PLOD1: variants seen among roughly 807,000 people sequenced by gnomAD.
PLOD1 encodes lysine hydroxylase.
PLOD1 carries 70 observed loss-of-function variants against 94.7 expected under a neutral mutation model. The ratio of observed to expected loss-of-function variants is 0.74; its 90% CI spans 0.61 to 0.90. PLOD1 has a LOEUF of 0.90. Among genes scored for constraint, PLOD1 ranks in the 40% least tolerant of loss-of-function variants. The pLI, the probability that PLOD1 is intolerant of heterozygous loss-of-function variation, is 0.00. For synonymous variants in PLOD1, 417 were observed against 400.2 expected (o/e 1.04, Z -0.50); for missense variants, 905 against 972.7 (o/e 0.93, Z 0.93).
intron 1 of PLOD1, among the ~76,000 whole-genome samples, chr1:11,946,693 A>C (rs1297658528): frequency 6.6e-6 from 1 of 152,224 alleles, no homozygotes; most frequent in Admixed American, 6.5e-5. Flanking sequence ...CCAGAAACTC[A>C]GTCCTATAAT....
At chr1:11,945,843 G>C (rs951413476) in intron 1 of PLOD1, among the ~76,000 whole-genome samples, 3 of 152,130 alleles carry the variant, frequency 2.0e-5, no homozygotes, top group African/African-American at 7.2e-5. Context: ...CAAGTAGCTA[G>C]GACTACAGGC....
At chr1:11,968,806 G>A (rs1235863938) in intron 16 of PLOD1, among the ~76,000 whole-genome samples, 4 of 146,692 alleles carry the variant, frequency 2.7e-5, no homozygotes, top group Non-Finnish European at 6.0e-5. Context: ...ATGAGCCACC[G>A]CACCGGGCAC....
chr1:11,951,737 A>G (rs947684736), intron 4 of PLOD1, among the ~76,000 whole-genome samples: 2 of 149,846 alleles, frequency 1.3e-5, no homozygotes, highest in African/African-American at 4.9e-5. Flanking sequence ...GGCTAACACG[A>G]TGAAACCCCG....
At chr1:11,968,384 A>G (rs1314948313) in intron 16 of PLOD1, among the ~76,000 whole-genome samples, 2 of 152,220 alleles carry the variant, frequency 1.3e-5, no homozygotes, top group Non-Finnish European at 2.9e-5. Flanking sequence ...AACATTACCT[A>G]CTAAGCAAAC....
chr1:11,947,336 G>T (rs1257491907), intron 1 of PLOD1, among the ~76,000 whole-genome samples: 2 of 151,810 alleles, frequency 1.3e-5, no homozygotes, highest in African/African-American at 2.4e-5. Context: ...CACTTTCGGA[G>T]GCTGAAGCAG....
chr1:11,958,616 A>G lies in PLOD1; in HGVS notation c.944A>G (p.Gln315Arg), dbSNP rs1569708580. 3.7e-6 allele frequency: 6 copies of G among 1,614,008 alleles called. No homozygotes were observed. The highest frequency in any genetic ancestry group is 5.1e-6 in the Non-Finnish European group (6 of 1,180,040). The stretch of plus-strand genomic sequence containing the variant: ...CGGCTCCTGCGGCTCCACTACCCCC[A>G]GAAACACATGCGACTTTTCATCCAC... ...FQRLLRLHYP[Q>R]KHMRLFIHNH... is the part of the protein sequence containing the mutation. Residue 315 changes from glutamine to arginine, a missense_variant, in exon 9 of 19, where the codon CAG becomes CGG. Coordinates refer to ENST00000196061, the MANE Select transcript of PLOD1 (RefSeq NM_000302.4). The surrounding 1 kb of genome is among the most constrained non-coding windows in gnomAD (Gnocchi z 4.3).
chr1:11,963,720 C>A lies in PLOD1; in HGVS notation c.1202+84C>A. On this transcript the variant is annotated intron_variant, in intron 11 of 18. Transcript: ENST00000196061. The surrounding 1 kb of genome is among the most constrained non-coding windows in gnomAD (Gnocchi z 4.3). The stretch of plus-strand genomic sequence containing the variant: ...AGCCCTCCTTGCCTTCCTCCTCCTC[C>A]TCCTCATCCACCTCCTCTTCCTCCT... 1.3e-6 allele frequency: 1 copy of A among 791,660 alleles called. No homozygotes were observed. Among genetic ancestry groups the A allele is most frequent in the Non-Finnish European group, 2.2e-6 (1 of 454,888 alleles). The allele number at this position is 791,660 out of a possible 1,614,324, so 49.0% of individuals were successfully genotyped here.
chr1:11,948,088 G>A (rs779974775), intron 2 of PLOD1, 21 bp downstream of exon 2: 3 of 1,528,574 alleles, frequency 2.0e-6, no homozygotes, highest in Non-Finnish European at 9.1e-7. Flanking sequence ...TCCTGGGTGA[G>A]GCAGAGACAG....
chr1:11,960,414 G>A (rs1330980359), intron 9 of PLOD1, among the ~76,000 whole-genome samples: 1 of 152,218 alleles, frequency 6.6e-6, no homozygotes, highest in Non-Finnish European at 1.5e-5. Context: ...TGATGACAGA[G>A]GCTCTTAGGA....
intron 2 of PLOD1, among the ~76,000 whole-genome samples, chr1:11,949,465 G>C (rs1645681676): frequency 6.6e-6 from 1 of 152,080 alleles, no homozygotes; most frequent in Admixed American, 6.6e-5. Context: ...TGTCTCCCAG[G>C]CTGAAGTGCA....
At chr1:11,943,866 T>C (rs1282763695) in intron 1 of PLOD1, among the ~76,000 whole-genome samples, 2 of 152,118 alleles carry the variant, frequency 1.3e-5, no homozygotes, top group African/African-American at 4.8e-5. Flanking sequence ...CTAGCTCCCT[T>C]GGGCACATTA....
rs1645747973 is a variant in PLOD1 at position 11,957,614 on chromosome 1, T to C, written c.742-228T>C. On this transcript the variant is annotated intron_variant, in intron 7 of 18. Coordinates refer to ENST00000196061, the MANE Select transcript of PLOD1 (RefSeq NM_000302.4). This position sits in a 1 kb window ranked among gnomAD's most constrained non-coding sequence, Gnocchi z 4.1. The stretch of plus-strand genomic sequence containing the variant: ...CTGAGCGGGGTGGGACCCAGGAATC[T>C]GCATTTTACAAGCTCTCGGGAGAAG... 6.6e-6 allele frequency among the ~76,000 whole-genome samples: 1 copy of C among 152,210 alleles called. No individual in the cohort carries two copies. Among genetic ancestry groups the C allele is most frequent in the Non-Finnish European group, 1.5e-5 (1 of 68,032 alleles).
Position 11,957,043 on chromosome 1 carries a change from TG to T in PLOD1, c.741+32del, listed in dbSNP as rs938483658. The T allele has an allele frequency of 7.1e-7, 1 of 1,408,324 alleles. No homozygotes were observed. The highest frequency in any genetic ancestry group is 1.4e-5 in the African/African-American group (1 of 70,966). 87.2% of individuals were successfully genotyped at this position (1,408,324 alleles called of 1,614,324 possible). A position where few individuals can be genotyped will look rare whatever the true frequency, so the allele number is the denominator to read the frequency against. The stretch of plus-strand genomic sequence containing the variant: ...GGGGGTCCCCAGCCCCTGGGGAGTG[TG>T]GGAGGGGGCCAGAGCCCTAATTTCA... On this transcript the variant is annotated intron_variant, in intron 7 of 18. Coordinates refer to ENST00000196061, the MANE Select transcript of PLOD1 (RefSeq NM_000302.4). The surrounding 1 kb of genome is among the most constrained non-coding windows in gnomAD (Gnocchi z 4.1).
At position 11,975,136 on chromosome 1, in the gene PLOD1, A is replaced by T. The variant is rs1364998830; in HGVS notation, c.*328A>T. On this transcript the variant is annotated 3_prime_UTR_variant, in exon 19 of 19. Coordinates refer to ENST00000196061, the MANE Select transcript of PLOD1 (RefSeq NM_000302.4). ...TCCCCCACCTCTTCCATGGGGTGAG[A>T]CTTGAGCAGAACAGGGGCTTCCCCA... 13 of 414,056 alleles carry T rather than the reference A, an allele frequency of 3.1e-5. No homozygotes were observed. In the East Asian group the frequency reaches 6.0e-4, roughly 19 times the overall value. 25.6% of individuals were successfully genotyped at this position (414,056 alleles called of 1,614,324 possible). A position where few individuals can be genotyped will look rare whatever the true frequency, so the allele number is the denominator to read the frequency against.
chr1:11,944,993 T>C (rs1294867936), intron 1 of PLOD1, among the ~76,000 whole-genome samples: 1 of 151,984 alleles, frequency 6.6e-6, no homozygotes, highest in African/African-American at 2.4e-5. Context: ...AGGGAAACAA[T>C]GATGAGCACT....
At chr1:11,973,029 G>A (rs758110320) in intron 18 of PLOD1, 32 bp downstream of exon 18, 19 of 1,612,772 alleles carry the variant, frequency 1.2e-5, no homozygotes, top group Admixed American at 6.7e-5. Flanking sequence ...TCAAGGGGCC[G>A]GCAATGGGGA....
chr1:11,961,920 A>G (rs1645780416), intron 10 of PLOD1, among the ~76,000 whole-genome samples: 1 of 151,926 alleles, frequency 6.6e-6, no homozygotes, highest in African/African-American at 2.4e-5. Context: ...TCTCAAGTAG[A>G]TGGGATTACA....
At chr1:11,951,844 G>A (rs1487464264) in intron 4 of PLOD1, among the ~76,000 whole-genome samples, 6 of 151,516 alleles carry the variant, frequency 4.0e-5, no homozygotes, top group South Asian at 4.2e-4. Context: ...GCATGAACCC[G>A]GGAGGCGGAG....
In PLOD1 at chr1:11,954,909, G is replaced by A. The variant is rs1645727829; in HGVS notation, c.643+16G>A. The stretch of plus-strand genomic sequence containing the variant: ...GGAGCCTTGGGTGAGCAGCCCCCAC[G>A]GGGAGGGGTGGATCCTCAGAGGGGT... On this transcript the variant is annotated intron_variant, in intron 6 of 18. Transcript: ENST00000196061. 8 of 1,596,380 alleles carry A rather than the reference G, an allele frequency of 5.0e-6. No homozygotes were observed. Among genetic ancestry groups the A allele is most frequent in the South Asian group, 1.1e-5 (1 of 90,718 alleles).
Sources: allele counts gnomAD v4.1 joint callset (sites outside exome capture counted in the v4.1 genomes callset), GRCh38; gene constraint gnomAD v4.1.1; non-coding constraint Gnocchi (gnomAD v3.1); transcripts MANE v1.5; gene names NCBI Gene and HGNC (gene_info 2026-07-23, HGNC 2026-07-21).